Variants in SMIM20 observed in about 807,000 individuals in gnomAD.
SMIM20 encodes the protein small integral membrane protein 20.
A neutral mutation model predicts 8.7 loss-of-function variants in SMIM20; 3 were observed. The observed-to-expected ratio is 0.34, with a 90% CI of 0.16 to 0.89. The LOEUF is 0.89. Ranked by LOEUF, SMIM20 falls within the 40% of genes least tolerant of loss-of-function variation. The pLI is 0.49. For missense variants in SMIM20, 85 were observed against 84.8 expected (o/e 1.00, Z -0.01); for synonymous variants, 44 against 33.6 (o/e 1.31, Z -1.07).
intron 2 of SMIM20, 61 bp from the exon 3 acceptor site, chr4:25,929,092 TG>T (rs1334524483): frequency 1.3e-6 from 2 of 1,533,810 alleles, no homozygotes; most frequent in Non-Finnish European, 1.8e-6. Flanking sequence ...TTGTTTGGGG[TG>T]GAGGAAAGTG....
chr4:25,921,822 G>T (rs1043905972), intron 1 of SMIM20, among the ~76,000 whole-genome samples: 8 of 152,256 alleles, frequency 5.3e-5, no homozygotes, highest in Middle Eastern at 3.4e-3. Context: ...GTCAGAGGAA[G>T]AGAAAGGCCC....
intron 1 of SMIM20, among the ~76,000 whole-genome samples, chr4:25,925,158 G>T (rs144958206): frequency 6.6e-6 from 1 of 152,156 alleles, no homozygotes; most frequent in Non-Finnish European, 1.5e-5. Context: ...TATTCAACTT[G>T]TATGGAATAT....
Position 25,914,335 on chromosome 4 carries a change from G to A in SMIM20, c.22G>A (p.Ala8Thr), listed in dbSNP as rs4521339. The A allele has an allele frequency of 5.7e-3, 8,794 of 1,550,546 alleles. 358 individuals are homozygous for A. The Admixed American group carries it at 0.077, about 14-fold the overall frequency. Residue 8 changes from alanine (A) to threonine (T), a missense_variant, in exon 1 of 3, where the codon GCG becomes ACG. Transcript: ENST00000506197. Reference sequence around the variant, plus strand: ...CGCCATGTCCCGGAACCTGCGCACCGCGCTCATTTTCGGCGGCTTCATCTC... The same window carrying A: ...CGCCATGTCCCGGAACCTGCGCACCACGCTCATTTTCGGCGGCTTCATCTC... MSRNLRT[A>T]LIFGGFISLI...
intron 1 of SMIM20, among the ~76,000 whole-genome samples, chr4:25,914,803 C>T (rs114710977): frequency 0.026 from 3,968 of 152,290 alleles, 184 homozygotes; most frequent in African/African-American, 0.09. Flanking sequence ...TTTGCACAAG[C>T]TCACCTTGAA....
chr4:25,927,542 G>A (rs538512714), intron 1 of SMIM20, among the ~76,000 whole-genome samples: 3 of 152,194 alleles, frequency 2.0e-5, no homozygotes, highest in South Asian at 2.1e-4. Flanking sequence ...AGTGGTAAAC[G>A]TCCTTTGGCT....
At chr4:25,914,756 A>G (rs773676059) in intron 1 of SMIM20, among the ~76,000 whole-genome samples, 11 of 152,212 alleles carry the variant, frequency 7.2e-5, no homozygotes, top group African/African-American at 2.7e-4. Context: ...CTGAATGCCT[A>G]TTACACGTCA....
At chr4:25,920,060 CT>C (rs1462435997) in intron 1 of SMIM20, among the ~76,000 whole-genome samples, 1 of 152,174 alleles carries the variant, frequency 6.6e-6, no homozygotes, top group East Asian at 1.9e-4. Flanking sequence ...CTGTTTTTGT[CT>C]ATTGGAAAAT....
At chr4:25,928,645 G>C (rs561359477) in intron 2 of SMIM20, among the ~76,000 whole-genome samples, 5 of 152,180 alleles carry the variant, frequency 3.3e-5, no homozygotes, top group Non-Finnish European at 5.9e-5. Flanking sequence ...TGCGTGATTC[G>C]ATATGAGACG....
chr4:25,914,622 T>G (rs1380138865), intron 1 of SMIM20, among the ~76,000 whole-genome samples, 200 bp downstream of exon 1: 1 of 152,214 alleles, frequency 6.6e-6, no homozygotes, highest in African/African-American at 2.4e-5. Flanking sequence ...CTGTGAATGT[T>G]TGTGGCTACG....
chr4:25,929,198 TGTCATCA>T lies in SMIM20; in HGVS notation c.*9_*15del. 1 of 1,552,060 alleles carries T rather than the reference TGTCATCA, an allele frequency of 6.4e-7. No individual in the cohort carries two copies. The highest frequency in any genetic ancestry group is 1.4e-5 in the African/African-American group (1 of 73,176). ...TCCATTTGGCAGGAAATGAGAGGGC[TGTCATCA>T]GCTCTGATTAAGAAAGGAGATTTCT... On this transcript the variant is annotated 3_prime_UTR_variant, in exon 3 of 3. Coordinates refer to ENST00000506197, the MANE Select transcript of SMIM20 (RefSeq NM_001145432.3).
At position 25,928,318 on chromosome 4, in the gene SMIM20, G is replaced by A. The variant is rs1026560770; in HGVS notation, c.115G>A (p.Glu39Lys). ...PLMRLEEYKK[E>K]QAINRAGIVQ... ...TTTTCTCTTATGTTTCTCAGAGAAG[G>A]AACAAGCTATAAATCGGGCTGGAAT... The change falls in exon 2 of 3, where the codon GAA becomes AAA. Residue 39 changes from glutamate to lysine, a missense_variant. Transcript: ENST00000506197. 8 of 1,549,288 alleles carry A rather than the reference G, an allele frequency of 5.2e-6. No individual in the cohort carries two copies. The highest frequency in any genetic ancestry group is 6.1e-6 in the Non-Finnish European group (7 of 1,146,148).
intron 1 of SMIM20, among the ~76,000 whole-genome samples, chr4:25,916,372 A>G (rs756321812): frequency 2.0e-5 from 3 of 151,408 alleles, no homozygotes; most frequent in Non-Finnish European, 4.4e-5. Context: ...CACCATGCCC[A>G]GCTAATTTTT....
intron 1 of SMIM20, among the ~76,000 whole-genome samples, chr4:25,921,809 G>T (rs549370671): frequency 5.3e-5 from 8 of 152,246 alleles, no homozygotes; most frequent in East Asian, 1.9e-4. Context: ...TGAAGCATAG[G>T]GGGTCAGAGG....
chr4:25,915,864 G>GGGGGGGGGGGGGT (rs1719081491), intron 1 of SMIM20, among the ~76,000 whole-genome samples: 1 of 126,654 alleles, frequency 7.9e-6, no homozygotes, highest in Non-Finnish European at 1.7e-5. Flanking sequence ...TGGGGCGGGG[G>GGGGGGGGGGGGGT]GGGGGTCGAG....
chr4:25,920,077 G>C (rs753465296), intron 1 of SMIM20, among the ~76,000 whole-genome samples: 3 of 152,318 alleles, frequency 2.0e-5, no homozygotes, highest in Admixed American at 6.5e-5. Context: ...AAAATGTATA[G>C]AACTGCAGGT....
intron 1 of SMIM20, among the ~76,000 whole-genome samples, chr4:25,918,297 T>G (rs1292337084): frequency 6.6e-6 from 1 of 152,128 alleles, no homozygotes; most frequent in Non-Finnish European, 1.5e-5. Flanking sequence ...TGTTCTCTTG[T>G]TGGGTACAGA....
At chr4:25,916,504 G>A (rs1719095600) in intron 1 of SMIM20, among the ~76,000 whole-genome samples, 1 of 151,488 alleles carries the variant, frequency 6.6e-6, no homozygotes, top group African/African-American at 2.4e-5. Context: ...GAGCCACCAC[G>A]CCTGGCCTCT....
chr4:25,920,277 T>C (rs1174483449), intron 1 of SMIM20, among the ~76,000 whole-genome samples: 1 of 152,190 alleles, frequency 6.6e-6, no homozygotes, highest in East Asian at 1.9e-4. Context: ...TCCCATAAGA[T>C]TATCATGGTG....
In SMIM20 at chr4:25,929,226, T is replaced by C. The variant is rs954027730; in HGVS notation, c.*35T>C. On this transcript the variant is annotated 3_prime_UTR_variant, in exon 3 of 3. Coordinates refer to ENST00000506197, the MANE Select transcript of SMIM20 (RefSeq NM_001145432.3). ...CATCAGCTCTGATTAAGAAAGGAGA[T>C]TTCTTCATGCTTTCGATTCTGCATG... 3 of 1,550,812 alleles carry C rather than the reference T, an allele frequency of 1.9e-6. No homozygotes were observed. Among genetic ancestry groups the C allele is most frequent in the Admixed American group, 2.0e-5 (1 of 50,956 alleles).
Sources: gnomAD v4.1 joint callset for allele counts (sites outside exome capture counted in the v4.1 genomes callset) on GRCh38, gnomAD v4.1.1 for gene constraint, MANE v1.5 for transcripts, NCBI Gene and HGNC (gene_info 2026-07-23, HGNC 2026-07-21) for gene names.